TAF4B: variants seen among roughly 807,000 people sequenced by gnomAD.
The protein encoded by TAF4B is transcription initiation factor TFIID subunit 4B.
In TAF4B, 38 loss-of-function variants were observed where a neutral mutation model predicts 86.4. That is an observed-to-expected ratio of 0.44 (90% CI 0.34 to 0.58). TAF4B has a LOEUF of 0.58. Ranked by LOEUF, TAF4B falls within the 20% of genes least tolerant of loss-of-function variation. The pLI, the probability that TAF4B is intolerant of heterozygous loss-of-function variation, is 0.02. For missense variants in TAF4B, 988 were observed against 1,027.6 expected (o/e 0.96, Z 0.53); for synonymous variants, 388 against 391.2 (o/e 0.99, Z 0.10).
At chr18:26,298,229 T>A (rs189677907) in intron 9 of TAF4B, among the ~76,000 whole-genome samples, 235 of 151,982 alleles carry the variant, frequency 1.5e-3, no homozygotes, top group African/African-American at 4.3e-3. Context: ...TTAATTAATT[T>A]ATTTATTTTG....
rs2056896146 is a variant in TAF4B, at chr18:26,315,156, C to CTG, written c.1833-72_1833-71insGT. The CTG allele has an allele frequency of 4.0e-4, 217 of 544,260 alleles. 1 individual carries two copies. Among genetic ancestry groups the CTG allele is most frequent in the Middle Eastern group, 6.7e-4 (1 of 1,486 alleles). 33.7% of individuals were successfully genotyped at this position (544,260 alleles called of 1,614,324 possible). The stretch of plus-strand genomic sequence containing the variant: ...TCTCTCTCTCTCTCTGTCTCTCTCT[C>CTG]TCTCTCACACACACACACACACACA... On this transcript the variant is annotated intron_variant, in intron 9 of 14. Transcript: ENST00000269142.
intron 14 of TAF4B, among the ~76,000 whole-genome samples, chr18:26,386,794 C>T (rs1455961823): frequency 1.3e-5 from 2 of 152,090 alleles, no homozygotes; most frequent in Non-Finnish European, 2.9e-5. Flanking sequence ...AATGTACTCA[C>T]TCGGATTGTT....
Position 26,286,264 on chromosome 18 carries a change from C to A in TAF4B, c.1355C>A (p.Pro452His), listed in dbSNP as rs2056521438. 1 of 1,614,252 alleles carries A rather than the reference C, an allele frequency of 6.2e-7. No homozygotes were observed. Among genetic ancestry groups the A allele is most frequent in the Non-Finnish European group, 8.5e-7 (1 of 1,180,054 alleles). Residue 452 changes from proline to histidine, a missense_variant, in exon 7 of 15, where the codon CCT (proline) becomes CAT (histidine). This residue lies in a region of TAF4B where 747 missense variants were observed against 737.9 expected (regional missense o/e 1.01). Coordinates refer to ENST00000269142, the MANE Select transcript of TAF4B (RefSeq NM_005640.3). ...ACAGTGACCACGGTCTCACTGCAAC[C>A]TGAAAAGCCAGTTGTCTCTGGAACA... ...ANTVTTVSLQPEKPVVSGTAV... is the reference protein window; with the variant it reads ...ANTVTTVSLQHEKPVVSGTAV...
intron 1 of TAF4B, among the ~76,000 whole-genome samples, chr18:26,229,681 T>G (rs1404593823): frequency 6.6e-6 from 1 of 151,958 alleles, no homozygotes; most frequent in Admixed American, 6.6e-5. Context: ...TTTTGTATTT[T>G]TAGTAGAGAT....
chr18:26,262,653 A>AT (rs1378812405), intron 1 of TAF4B, among the ~76,000 whole-genome samples: 4 of 151,714 alleles, frequency 2.6e-5, no homozygotes, highest in Admixed American at 2.0e-4. Context: ...TAATTTTTGT[A>AT]TTTTTTTAGT....
chr18:26,359,100 G>A (rs892583499), intron 14 of TAF4B, among the ~76,000 whole-genome samples: 1 of 152,090 alleles, frequency 6.6e-6, no homozygotes, highest in Admixed American at 6.5e-5. Flanking sequence ...ATCTACATGT[G>A]TGGTTTTGTT....
At chr18:26,250,635 T>A (rs1384556134) in intron 1 of TAF4B, among the ~76,000 whole-genome samples, 1 of 152,206 alleles carries the variant, frequency 6.6e-6, no homozygotes, top group African/African-American at 2.4e-5. Context: ...TGATCAGTGC[T>A]AACTATATCC....
intron 9 of TAF4B, among the ~76,000 whole-genome samples, chr18:26,309,460 G>C (rs1319403968): frequency 6.6e-6 from 1 of 151,846 alleles, no homozygotes; most frequent in African/African-American, 2.4e-5. Flanking sequence ...CAGTGAACTA[G>C]TATTTTCCAT....
At chr18:26,354,138 T>C (rs2057267452) in intron 13 of TAF4B, among the ~76,000 whole-genome samples, 2 of 152,166 alleles carry the variant, frequency 1.3e-5, no homozygotes, top group African/African-American at 4.8e-5. Context: ...TGCAGTGGCA[T>C]GATCTCGGCT....
intron 13 of TAF4B, among the ~76,000 whole-genome samples, chr18:26,347,260 A>G (rs1462115662): frequency 1.3e-5 from 2 of 152,022 alleles, no homozygotes; most frequent in African/African-American, 4.8e-5. Flanking sequence ...TCCTTCAGAA[A>G]TGAAGGAGAA....
chr18:26,353,549 A>G (rs1034221819), intron 13 of TAF4B, among the ~76,000 whole-genome samples: 1 of 152,238 alleles, frequency 6.6e-6, no homozygotes, highest in Non-Finnish European at 1.5e-5. Flanking sequence ...TGGGCAACAT[A>G]GCGAGATTCC....
intron 14 of TAF4B, among the ~76,000 whole-genome samples, chr18:26,378,604 T>C (rs1435461251): frequency 6.6e-6 from 1 of 152,186 alleles, no homozygotes; most frequent in East Asian, 1.9e-4. Context: ...GATTGAGGTA[T>C]AATTTATATA....
intron 1 of TAF4B, among the ~76,000 whole-genome samples, chr18:26,242,737 T>C (rs1275261308): frequency 2.6e-5 from 4 of 152,216 alleles, no homozygotes; most frequent in African/African-American, 9.6e-5. Context: ...TGTTCCTTGC[T>C]GTGTTTAGTG....
At position 26,286,439 on chromosome 18, in the gene TAF4B, G is replaced by C; in HGVS notation, c.1530G>C (p.Gln510His). 2 of 1,614,102 alleles carry C rather than the reference G, an allele frequency of 1.2e-6. No homozygotes were observed. Among genetic ancestry groups the C allele is most frequent in the Non-Finnish European group, 8.5e-7 (1 of 1,180,020 alleles). ...CTCCAGTTCAAATCAAACTTGCCCA[G>C]CCGGGCCCTGTCCTTTCACAACCAG... ...IGTPVQIKLAQPGPVLSQPAG... is the reference protein window; with the variant it reads ...IGTPVQIKLAHPGPVLSQPAG... Residue 510 changes from glutamine to histidine, a missense_variant, in exon 7 of 15, where the codon CAG becomes CAC. By Grantham distance (24) the Gln-to-His change is conservative. Transcript: ENST00000269142.
chr18:26,362,880 A>G (rs2057341867), intron 14 of TAF4B, among the ~76,000 whole-genome samples: 1 of 152,254 alleles, frequency 6.6e-6, no homozygotes, highest in Non-Finnish European at 1.5e-5. Flanking sequence ...AAAACATCAC[A>G]TAATAAAAAA....
In TAF4B at chr18:26,379,904, TA is replaced by T. The variant is rs149717205; in HGVS notation, c.2422-9940del. ...TCTTTTATCCATTTATACATAGGTA[TA>T]TTTTTTTGATGCTATTGAAAGTAGT... is the stretch of plus-strand genomic sequence containing the variant. On this transcript the variant is annotated intron_variant, in intron 14 of 14. Coordinates refer to ENST00000269142, the MANE Select transcript of TAF4B (RefSeq NM_005640.3). Among the ~76,000 whole-genome samples, 998 of 152,276 alleles carry T rather than the reference TA, an allele frequency of 6.6e-3. 9 individuals are homozygous for T. The highest frequency in any genetic ancestry group is 0.023 in the African/African-American group (958 of 41,576).
Position 26,346,793 on chromosome 18 carries a change from ATATATGTG to A in TAF4B, c.2317-10891_2317-10884del, listed in dbSNP as rs1458687327. On this transcript the variant is annotated intron_variant, in intron 13 of 14. Transcript: ENST00000269142. ...TATATATGTGTGTGTATATATATAT[ATATATGTG>A]TATATATATATATATGTGTGTGTAT... 1.4e-3 allele frequency among the ~76,000 whole-genome samples: 38 copies of A among 26,906 alleles called. 2 individuals carry two copies. The highest frequency in any genetic ancestry group is 2.1e-3 in the Non-Finnish European group (20 of 9,446). The allele number at this position is 26,906 out of a possible 152,430, so 17.7% of individuals were successfully genotyped here. A position where few individuals can be genotyped will look rare whatever the true frequency, so the allele number is the denominator to read the frequency against.
rs186579643 is a variant in TAF4B, at chr18:26,254,779, T to G, written c.344-10391T>G. On this transcript the variant is annotated intron_variant, in intron 1 of 14. Coordinates refer to ENST00000269142, the MANE Select transcript of TAF4B (RefSeq NM_005640.3). ...TCTGCTTTAGAAGTTTTATATAAATTAAAATCTTTATCAAATATTAATATG... is the reference window on the plus strand; with the variant it reads ...TCTGCTTTAGAAGTTTTATATAAATGAAAATCTTTATCAAATATTAATATG... 1.7e-3 allele frequency among the ~76,000 whole-genome samples: 265 copies of G among 152,322 alleles called. 1 individual carries two copies. Among genetic ancestry groups the G allele is most frequent in the African/African-American group, 5.7e-3 (238 of 41,570 alleles).
chr18:26,247,360 G>C (rs2055941759), intron 1 of TAF4B, among the ~76,000 whole-genome samples: 1 of 152,186 alleles, frequency 6.6e-6, no homozygotes, highest in African/African-American at 2.4e-5. Context: ...AGCATTTGTT[G>C]ATAGGTACTC....
Sources: gnomAD v4.1 joint callset for allele counts (sites outside exome capture counted in the v4.1 genomes callset) on GRCh38, gnomAD v4.1.1 for gene constraint, gnomAD v4.1.1 regional missense constraint, MANE v1.5 for transcripts, NCBI Gene and HGNC (gene_info 2026-07-23, HGNC 2026-07-21) for gene names.